Variants in MRPL4 observed in about 807,000 individuals in gnomAD.
MRPL4 encodes large ribosomal subunit protein uL4m.
In MRPL4, 34 loss-of-function variants were observed where a neutral mutation model predicts 34.1. The ratio of observed to expected loss-of-function variants is 1.00; its 90% CI spans 0.76 to 1.33. The LOEUF is 1.33. Among genes scored for constraint, MRPL4 ranks in the 40% most tolerant of loss-of-function variants. MRPL4 has a pLI of 0.00. For synonymous variants in MRPL4, 196 were observed against 188.3 expected, an observed-to-expected ratio of 1.04 and a Z score of -0.33; for missense variants, 402 against 434.6, an observed-to-expected ratio of 0.92 and a Z score of 0.67.
chr19:10,257,245 C>A (rs1283417493), intron 5 of MRPL4, among the ~76,000 whole-genome samples: 10 of 152,172 alleles, frequency 6.6e-5, no homozygotes, highest in African/African-American at 2.4e-4. Context: ...CACCTTTCCC[C>A]CTCATCCCCT....
intron 8 of MRPL4, chr19:10,259,319 T>C: frequency 1.4e-6 from 2 of 1,380,496 alleles, no homozygotes; most frequent in Non-Finnish European, 1.9e-6. Context: ...CTCCCTGCCC[T>C]CCCGTCATTT....
chr19:10,252,622 G>A lies in MRPL4; in HGVS notation c.196G>A (p.Val66Ile). 1 of 1,612,020 alleles carries A rather than the reference G, an allele frequency of 6.2e-7. No homozygotes were observed. The highest frequency in any genetic ancestry group is 8.5e-7 in the Non-Finnish European group (1 of 1,179,908). ...PTHRRPVQAWVESLRGFEQER... is the reference protein window; with the variant it reads ...PTHRRPVQAWIESLRGFEQER... ...TCATCGACGCCCAGTGCAGGCCTGG[G>A]TCGAGTCCTTGCGGGGCTTCGAGCA... Residue 66 changes from valine (V) to isoleucine (I), a missense_variant, in exon 3 of 9, where the codon GTC (valine) becomes ATC (isoleucine). By Grantham distance (29) the Val-to-Ile change is conservative (BLOSUM62 3). Transcript: ENST00000253099.
intron 3 of MRPL4, among the ~76,000 whole-genome samples, chr19:10,253,741 G>A (rs932334372): frequency 5.3e-5 from 8 of 151,612 alleles, no homozygotes; most frequent in South Asian, 2.1e-4. Context: ...GCAGTGAGCC[G>A]TGATTATACT....
intron 4 of MRPL4, chr19:10,254,857 T>G (rs2039833914): frequency 2.6e-6 from 1 of 390,580 alleles, no homozygotes; most frequent in Non-Finnish European, 4.7e-6. Context: ...CAGGCTGGAG[T>G]GCAGTGGCGC....
intron 4 of MRPL4, 99 bp from the exon 5 acceptor site, chr19:10,256,609 A>C: frequency 1.1e-6 from 1 of 937,528 alleles, no homozygotes; most frequent in South Asian, 1.4e-5. Flanking sequence ...GCCCGTCATC[A>C]TGGTGCCTCC....
chr19:10,254,243 C>T (rs1391307517), intron 3 of MRPL4, among the ~76,000 whole-genome samples: 1 of 152,194 alleles, frequency 6.6e-6, no homozygotes, highest in Admixed American at 6.6e-5. Flanking sequence ...GGTCTTACTC[C>T]TTGCCTCAAG....
chr19:10,258,361 G>C, intron 6 of MRPL4, 33 bp downstream of exon 6: 1 of 1,613,724 alleles, frequency 6.2e-7, no homozygotes, highest in Non-Finnish European at 8.5e-7. Context: ...ACAGCTGCTA[G>C]AGGTGGGGCT....
rs1331631997 is a variant in MRPL4, at chr19:10,254,603, A to C, written c.290A>C (p.His97Pro). ...FATAPRLDIL[H>P]QVAMWQKNFK... ...CCTCCCCGCAGGCTGGACATACTGC[A>C]CCAGGTTGCTATGTGGCAGAAGAAC... Residue 97 changes from histidine to proline, a missense_variant, in exon 4 of 9, where the codon CAC becomes CCC. By Grantham distance (77) the His-to-Pro change is moderately conservative. Transcript: ENST00000253099. 6.2e-7 allele frequency: 1 copy of C among 1,613,956 alleles called. No individual in the cohort carries two copies. Among genetic ancestry groups the C allele is most frequent in the Non-Finnish European group, 8.5e-7 (1 of 1,179,884 alleles).
intron 3 of MRPL4, 183 bp downstream of exon 3, chr19:10,252,884 C>G: frequency 1.1e-6 from 1 of 906,022 alleles, no homozygotes; most frequent in Admixed American, 2.9e-5. Context: ...GAGATTGAAG[C>G]CTGAGAGGTG....
upstream of MRPL4, chr19:10,251,962 G>A: frequency 4.0e-6 from 2 of 498,304 alleles, no homozygotes; most frequent in East Asian, 7.1e-5. Context: ...TCGGAGGCGG[G>A]ACCCAAAGTA....
rs537391147 is a variant in MRPL4 at position 10,256,938 on chromosome 19, C to T, written c.445+113C>T. 126 of 869,578 alleles carry T rather than the reference C, an allele frequency of 1.4e-4. 1 individual carries two copies. Among genetic ancestry groups the T allele is most frequent in the South Asian group, 8.5e-4 (41 of 48,454 alleles). 53.9% of individuals were successfully genotyped at this position (869,578 alleles called of 1,614,324 possible). A position where few individuals can be genotyped will look rare whatever the true frequency, so the allele number is the denominator to read the frequency against. On this transcript the variant is annotated intron_variant, in intron 5 of 8. Transcript: ENST00000253099. ...GGCATGGTATTATGTCAGCCCTGTT[C>T]CCTCCACCTCATGGAACCACCTGGG...
intron 5 of MRPL4, among the ~76,000 whole-genome samples, chr19:10,257,436 G>A (rs956869235): frequency 2.0e-5 from 3 of 152,052 alleles, no homozygotes; most frequent in African/African-American, 7.2e-5. Flanking sequence ...CCTCCTCCAG[G>A]AAGCCCCCCT....
At chr19:10,257,839 G>T (rs1471629372) in intron 5 of MRPL4, among the ~76,000 whole-genome samples, 2 of 152,000 alleles carry the variant, frequency 1.3e-5, no homozygotes, top group Non-Finnish European at 2.9e-5. Context: ...TCTCAAGGTG[G>T]TTTGTTTTTT....
At position 10,259,581 on chromosome 19, in the gene MRPL4, GACCGGCCCCCCGCCCCGCCCCC is replaced by G. The variant is rs1212574832; in HGVS notation, c.740-32_740-11del. 1 of 1,538,886 alleles carries G rather than the reference GACCGGCCCCCCGCCCCGCCCCC, an allele frequency of 6.5e-7. No individual in the cohort carries two copies. The highest frequency in any genetic ancestry group is 2.5e-5 in the East Asian group (1 of 40,682). ...GTGAGGAGAGAGGCAGCCCCGGCCT[GACCGGCCCCCCGCCCCGCCCCC>G]ACCCCGCCCCCAGGCCTAAATGTGC... On this transcript the variant is annotated splice_polypyrimidine_tract_variant and intron_variant, in intron 8 of 8. Transcript: ENST00000253099.
intron 1 of MRPL4, 26 bp from the exon 2 acceptor site, chr19:10,252,371 C>T (rs768514115): frequency 1.2e-6 from 2 of 1,614,080 alleles, no homozygotes; most frequent in Non-Finnish European, 8.5e-7. Flanking sequence ...CAGGGGTCGT[C>T]TCTCACTTTC....
At chr19:10,253,293 G>A (rs1016379986) in intron 3 of MRPL4, among the ~76,000 whole-genome samples, 14 of 151,340 alleles carry the variant, frequency 9.3e-5, no homozygotes, top group Admixed American at 1.3e-4. Flanking sequence ...TGGCTAACAT[G>A]GTGAAACCCC....
chr19:10,258,145 G>T, intron 5 of MRPL4, 77 bp from the exon 6 acceptor site: 2 of 1,047,288 alleles, frequency 1.9e-6, no homozygotes, highest in Non-Finnish European at 2.9e-6. Flanking sequence ...GTCACCCCAT[G>T]CCAGCCACTG....
upstream of MRPL4, chr19:10,252,203 C>G: frequency 2.6e-6 from 4 of 1,518,512 alleles, no homozygotes; most frequent in Non-Finnish European, 3.5e-6. Context: ...AGCGGCGCCT[C>G]GCGAGGCTCC....
chr19:10,257,031 A>T (rs2039859204), intron 5 of MRPL4, among the ~76,000 whole-genome samples: 1 of 152,034 alleles, frequency 6.6e-6, no homozygotes, highest in African/African-American at 2.4e-5. Flanking sequence ...TCTGGGAGCC[A>T]TCCACTCCTC....
Sources: allele counts gnomAD v4.1 joint callset (sites outside exome capture counted in the v4.1 genomes callset), GRCh38; gene constraint gnomAD v4.1.1; transcripts MANE v1.5; gene names NCBI Gene and HGNC (gene_info 2026-07-23, HGNC 2026-07-21).